The following ATXN1 variants were observed in gnomAD, a reference collection of about 807,000 sequenced individuals.
ATXN1 encodes the protein ataxin 1.
A neutral mutation model predicts 56.4 loss-of-function variants in ATXN1; 8 were observed. The observed-to-expected ratio is 0.14, with a 90% CI of 0.08 to 0.26. The LOEUF (loss-of-function observed/expected upper bound fraction) is 0.26. ATXN1 is among the 10% of genes least tolerant of loss of function. The probability of loss-of-function intolerance (pLI) is 1.00; values close to 1 mark genes in which losing one functional copy is unlikely to be tolerated. For missense variants in ATXN1, 987 were observed against 1,106.5 expected (o/e 0.89, Z 1.53); for synonymous variants, 514 against 494.6 (o/e 1.04, Z -0.52).
intron 2 of ATXN1, among the ~76,000 whole-genome samples, chr6:16,734,991 CT>C (rs1760079693): frequency 1.3e-5 from 2 of 152,112 alleles, no homozygotes; most frequent in South Asian, 4.1e-4. Flanking sequence ...TTTTGTATTT[CT>C]ATTTTACTGT....
chr6:16,724,674 A>T (rs1759812070), intron 2 of ATXN1, among the ~76,000 whole-genome samples: 1 of 152,232 alleles, frequency 6.6e-6, no homozygotes. Context: ...TACTTGCTAA[A>T]GAACCTGAGG....
chr6:16,753,257 A>G lies in ATXN1; in HGVS notation c.-639T>C. The G allele has an allele frequency of 2.2e-6, 1 of 456,722 alleles. No homozygotes were observed. The highest frequency in any genetic ancestry group is 1.5e-5 in the South Asian group (1 of 64,566). 28.3% of individuals were successfully genotyped at this position (456,722 alleles called of 1,614,324 possible). A position where few individuals can be genotyped will look rare whatever the true frequency, so the allele number is the denominator to read the frequency against. On this transcript the variant is annotated 5_prime_UTR_variant, in exon 2 of 8. Coordinates refer to ENST00000436367, the MANE Select transcript of ATXN1 (RefSeq NM_001128164.2). ...CCTGACATGTGATGCACTTCCCTGT[A>G]GTGGCAGTGGAGGAGGAGATTGCTG... is the stretch of plus-strand genomic sequence containing the variant.
At chr6:16,711,000 A>G (rs1759511090) in intron 2 of ATXN1, among the ~76,000 whole-genome samples, 1 of 152,134 alleles carries the variant, frequency 6.6e-6, no homozygotes, top group African/African-American at 2.4e-5. Context: ...CTCCCACCTC[A>G]GCCTCCCAAG....
intron 4 of ATXN1, among the ~76,000 whole-genome samples, chr6:16,547,427 A>T (rs1189703973): frequency 3.3e-5 from 5 of 152,116 alleles, no homozygotes; most frequent in African/African-American, 1.2e-4. Flanking sequence ...GTGGAGTCTC[A>T]CCACAAGACC....
chr6:16,417,545 T>C (rs1581748285), intron 6 of ATXN1, among the ~76,000 whole-genome samples: 1 of 151,850 alleles, frequency 6.6e-6, no homozygotes, highest in African/African-American at 2.4e-5. Context: ...TTCAAGCGAT[T>C]GTCCTGCCTC....
chr6:16,735,537 G>C (rs2113493687), intron 2 of ATXN1, among the ~76,000 whole-genome samples: 1 of 152,186 alleles, frequency 6.6e-6, no homozygotes, highest in Admixed American at 6.5e-5. Flanking sequence ...TGAATATCCA[G>C]GAACCCTTTC....
chr6:16,618,601 A>G (rs181164797), intron 3 of ATXN1, among the ~76,000 whole-genome samples: 1 of 152,222 alleles, frequency 6.6e-6, no homozygotes, highest in East Asian at 1.9e-4. Context: ...ACGTGGTGGT[A>G]CACACCTGTA....
intron 5 of ATXN1, among the ~76,000 whole-genome samples, chr6:16,521,991 A>C (rs1761302645): frequency 6.6e-6 from 1 of 152,234 alleles, no homozygotes; most frequent in Non-Finnish European, 1.5e-5. Context: ...TACCAAGACC[A>C]CATTAAGTTA....
chr6:16,458,976 T>A (rs958563830), intron 6 of ATXN1, among the ~76,000 whole-genome samples: 5 of 152,226 alleles, frequency 3.3e-5, no homozygotes, highest in Non-Finnish European at 7.3e-5. Context: ...GACACTGGCA[T>A]GGCCTTCTCA....
At chr6:16,337,973 T>C (rs762277341) in intron 6 of ATXN1, among the ~76,000 whole-genome samples, 1 of 152,212 alleles carries the variant, frequency 6.6e-6, no homozygotes, top group East Asian at 1.9e-4. Context: ...CTGTGATAGA[T>C]CTCACTACCC....
intron 6 of ATXN1, among the ~76,000 whole-genome samples, chr6:16,384,811 C>A (rs1758204917): frequency 6.6e-6 from 1 of 152,202 alleles, no homozygotes; most frequent in Non-Finnish European, 1.5e-5. Flanking sequence ...AGCCATGTTT[C>A]CTGTACAGCC....
At chr6:16,545,905 TAGAG>T (rs1191851109) in intron 4 of ATXN1, among the ~76,000 whole-genome samples, 4 of 152,240 alleles carry the variant, frequency 2.6e-5, no homozygotes, top group Non-Finnish European at 5.9e-5. Context: ...TGGTGAGAAA[TAGAG>T]AGCAGCTTTT....
At chr6:16,710,432 T>C (rs1477368108) in intron 2 of ATXN1, among the ~76,000 whole-genome samples, 1 of 151,846 alleles carries the variant, frequency 6.6e-6, no homozygotes, top group Non-Finnish European at 1.5e-5. Flanking sequence ...TTTTGGGGGG[T>C]AGGGGGATTT....
chr6:16,760,252 T>TCCTCCTCCTTCC lies in ATXN1; in HGVS notation c.-730+1034_-730+1045dup, dbSNP rs1274885802. Among the ~76,000 whole-genome samples the TCCTCCTCCTTCC allele has an allele frequency of 2.6e-5, 4 of 151,592 alleles. No individual in the cohort carries two copies. The highest frequency in any genetic ancestry group is 5.9e-5 in the Non-Finnish European group (4 of 67,872). Reference sequence around the variant, plus strand: ...CGCCTCCTCCGCGGCGGCCGCCGCCTCCTCCTCCTTCCCCTCCTCCTGGCT... The same window carrying TCCTCCTCCTTCC: ...CGCCTCCTCCGCGGCGGCCGCCGCCTCCTCCTCCTTCCCCTCCTCCTTCCCCTCCTCCTGGCT... On this transcript the variant is annotated intron_variant, in intron 1 of 7. Transcript: ENST00000436367. This position sits in a 1 kb window ranked among gnomAD's most constrained non-coding sequence, Gnocchi z 5.3.
chr6:16,698,877 A>C (rs1759222240), intron 2 of ATXN1, among the ~76,000 whole-genome samples: 1 of 152,196 alleles, frequency 6.6e-6, no homozygotes, highest in Non-Finnish European at 1.5e-5. Context: ...AAATTCTACG[A>C]TTGTCCGTCC....
rs748929817 is a variant in ATXN1 at position 16,440,648 on chromosome 6, A to AAAAAAAAAAAAAAAAAAAAAGAAAGAAAG, written c.-161+45323_-161+45324insCTTTCTTTCTTTTTTTTTTTTTTTTTTTT. 5.1e-3 allele frequency among the ~76,000 whole-genome samples: 603 copies of AAAAAAAAAAAAAAAAAAAAAGAAAGAAAG among 118,326 alleles called. 23 individuals carry two copies. The highest frequency in any genetic ancestry group is 0.015 in the African/African-American group (423 of 27,914). The allele number at this position is 118,326 out of a possible 152,430, so 77.6% of individuals were successfully genotyped here. ...AGAGTGAGACCCTGTCTTAAAAAAA[A>AAAAAAAAAAAAAAAAAAAAAGAAAGAAAG]AAAAGAAAAGAAAAGAAAAAATTAA... On this transcript the variant is annotated intron_variant, in intron 6 of 7. Transcript: ENST00000436367.
chr6:16,638,974 A>G (rs1272059020), intron 3 of ATXN1, among the ~76,000 whole-genome samples: 1 of 152,210 alleles, frequency 6.6e-6, no homozygotes, highest in East Asian at 1.9e-4. Flanking sequence ...GGGGACTTGG[A>G]GAACTTTTCT....
intron 2 of ATXN1, among the ~76,000 whole-genome samples, chr6:16,719,115 C>A (rs913148388): frequency 1.3e-5 from 2 of 152,172 alleles, no homozygotes; most frequent in Non-Finnish European, 2.9e-5. Flanking sequence ...TCCACAATAT[C>A]AACGCAATTA....
chr6:16,695,670 T>C (rs1384462951), intron 2 of ATXN1, among the ~76,000 whole-genome samples: 1 of 152,222 alleles, frequency 6.6e-6, no homozygotes, highest in African/African-American at 2.4e-5. Flanking sequence ...AGTACCTTCA[T>C]CTTGAGAGGT....
Sources: gnomAD v4.1 joint callset for allele counts (sites outside exome capture counted in the v4.1 genomes callset) on GRCh38, gnomAD v4.1.1 for gene constraint, Gnocchi (gnomAD v3.1) non-coding constraint, MANE v1.5 for transcripts, NCBI Gene and HGNC (gene_info 2026-07-23, HGNC 2026-07-21) for gene names.